GKAP1: variants seen among roughly 807,000 people sequenced by gnomAD.
The protein encoded by GKAP1 is G kinase anchoring protein 1.
GKAP1 carries 31 observed loss-of-function variants against 56.7 expected under a neutral mutation model. The ratio of observed to expected loss-of-function variants is 0.55; its 90% CI spans 0.41 to 0.74. GKAP1 has a LOEUF of 0.74. GKAP1 is among the 30% of genes least tolerant of loss of function. The pLI is 0.00. For synonymous variants in GKAP1, 151 were observed against 138.6 expected (o/e 1.09, Z -0.63); for missense variants, 364 against 402.3 (o/e 0.90, Z 0.82).
At chr9:83,753,978 A>G (rs1292259624) in intron 8 of GKAP1, among the ~76,000 whole-genome samples, 1 of 152,212 alleles carries the variant, frequency 6.6e-6, no homozygotes, top group African/African-American at 2.4e-5. Context: ...GTTCTTTGGA[A>G]CTTAAAAAGA....
chr9:83,757,653 G>A (rs1380534828), intron 8 of GKAP1, among the ~76,000 whole-genome samples: 1 of 152,168 alleles, frequency 6.6e-6, no homozygotes, highest in Non-Finnish European at 1.5e-5. Context: ...AAAGGCATTA[G>A]TTAGCAGGGT....
intron 2 of GKAP1, among the ~76,000 whole-genome samples, chr9:83,806,968 T>A (rs968578793): frequency 1.3e-5 from 2 of 151,920 alleles, no homozygotes; most frequent in Non-Finnish European, 2.9e-5. Flanking sequence ...CAACTTCCAA[T>A]ACAAGAAAAA....
Position 83,769,112 on chromosome 9 carries a change from G to C in GKAP1, c.586-142C>G, listed in dbSNP as rs1587707538. 2.4e-5 allele frequency: 14 copies of C among 595,376 alleles called. No homozygotes were observed. The East Asian group carries it at 3.7e-4, about 16-fold the overall frequency. The allele number at this position is 595,376 out of a possible 1,614,324, so 36.9% of individuals were successfully genotyped here. A position where few individuals can be genotyped will look rare whatever the true frequency, so the allele number is the denominator to read the frequency against. On this transcript the variant is annotated intron_variant, in intron 7 of 12. Transcript: ENST00000376371. Reference sequence around the variant, plus strand: ...GATAAAAAAAGAAAGAAAAATGACAGCTAAGAGACAATCAACGACTTGATC... The same window carrying C: ...GATAAAAAAAGAAAGAAAAATGACACCTAAGAGACAATCAACGACTTGATC...
chr9:83,807,842 G>C (rs1944459626), intron 2 of GKAP1, among the ~76,000 whole-genome samples: 1 of 152,150 alleles, frequency 6.6e-6, no homozygotes, highest in African/African-American at 2.4e-5. Context: ...TAAGAAGTAA[G>C]GATCATTAAG....
chr9:83,751,762 A>T (rs1306629248), intron 9 of GKAP1, among the ~76,000 whole-genome samples: 2 of 139,740 alleles, frequency 1.4e-5, no homozygotes, highest in Non-Finnish European at 3.1e-5. Context: ...AAAATAGATT[A>T]AAAAAAAAAA....
intron 7 of GKAP1, among the ~76,000 whole-genome samples, chr9:83,779,524 CGT>C (rs201221841): frequency 0.017 from 2,073 of 120,350 alleles, 61 homozygotes; most frequent in Non-Finnish European, 0.025. Context: ...TATATATACA[CGT>C]GTATATGTGT....
intron 4 of GKAP1, among the ~76,000 whole-genome samples, chr9:83,790,064 C>T (rs1234149420): frequency 6.6e-6 from 1 of 152,122 alleles, no homozygotes; most frequent in Non-Finnish European, 1.5e-5. Flanking sequence ...TCTTAATAGA[C>T]ACTATGAACT....
At position 83,817,136 on chromosome 9, in the gene GKAP1, G is replaced by A. The variant is rs1944623511; in HGVS notation, c.-175-9C>T. On this transcript the variant is annotated splice_polypyrimidine_tract_variant and intron_variant, in intron 1 of 12. Transcript: ENST00000376371. ...AGAAGCGGCTTCAAAACCTGAAAGG[G>A]AGAAAACGAGTCAGGTCGTTGCTCC... 6.6e-6 allele frequency: 1 copy of A among 152,158 alleles called. No individual in the cohort carries two copies. Among genetic ancestry groups the A allele is most frequent in the South Asian group, 2.1e-4 (1 of 4,834 alleles). 9.4% of individuals were successfully genotyped at this position (152,158 alleles called of 1,614,324 possible).
intron 3 of GKAP1, among the ~76,000 whole-genome samples, chr9:83,802,256 G>A (rs570306777): frequency 7.2e-5 from 11 of 151,896 alleles, no homozygotes; most frequent in Admixed American, 2.6e-4. Context: ...CGAGGCAGGC[G>A]GATCACGAGG....
At chr9:83,779,471 A>ACACACACACG (rs1564201465) in intron 7 of GKAP1, among the ~76,000 whole-genome samples, 13 of 93,068 alleles carry the variant, frequency 1.4e-4, no homozygotes, top group Non-Finnish European at 1.9e-4. Context: ...ACACGCACAT[A>ACACACACACG]TACATATACA....
At chr9:83,750,000 T>A (rs1013767111) in intron 9 of GKAP1, among the ~76,000 whole-genome samples, 2 of 152,142 alleles carry the variant, frequency 1.3e-5, no homozygotes, top group African/African-American at 2.4e-5. Flanking sequence ...GAAACTACAC[T>A]CGCTATGAAA....
At chr9:83,799,497 G>T (rs1944298192) in intron 3 of GKAP1, among the ~76,000 whole-genome samples, 169 bp from the exon 4 acceptor site, 2 of 151,948 alleles carry the variant, frequency 1.3e-5, no homozygotes, top group Admixed American at 1.3e-4. Flanking sequence ...AATCTTTGTA[G>T]AATGTTAATT....
At chr9:83,781,773 A>C (rs1943975922) in intron 6 of GKAP1, among the ~76,000 whole-genome samples, 1 of 152,144 alleles carries the variant, frequency 6.6e-6, no homozygotes, top group Non-Finnish European at 1.5e-5. Context: ...TAAGAAATCA[A>C]ATGTGGAAAA....
At chr9:83,750,722 CTTT>C (rs1362690540) in intron 9 of GKAP1, among the ~76,000 whole-genome samples, 10 of 152,310 alleles carry the variant, frequency 6.6e-5, no homozygotes, top group African/African-American at 2.2e-4. Context: ...AAGTATTCTT[CTTT>C]GACTAATATT....
intron 3 of GKAP1, among the ~76,000 whole-genome samples, chr9:83,803,782 GGCC>G (rs1478631808): frequency 3.3e-4 from 50 of 149,876 alleles, no homozygotes; most frequent in Admixed American, 9.3e-4. Flanking sequence ...GTCTCTGCCC[GGCC>G]GCCATCCCAT....
At chr9:83,794,125 C>A (rs1286164295) in intron 4 of GKAP1, among the ~76,000 whole-genome samples, 1 of 152,146 alleles carries the variant, frequency 6.6e-6, no homozygotes, top group Non-Finnish European at 1.5e-5. Context: ...CATGATCACA[C>A]CACTGCATTC....
chr9:83,758,249 A>C (rs997360740), intron 8 of GKAP1, among the ~76,000 whole-genome samples: 2 of 152,252 alleles, frequency 1.3e-5, no homozygotes, highest in East Asian at 3.8e-4. Context: ...ATGTATGATC[A>C]GTGAATATCA....
At chr9:83,771,235 TTG>T (rs1252264063) in intron 7 of GKAP1, among the ~76,000 whole-genome samples, 3 of 114,964 alleles carry the variant, frequency 2.6e-5, no homozygotes, top group Non-Finnish European at 5.8e-5. Context: ...GCTAATTTTT[TTG>T]TTGTTTGTTT....
chr9:83,814,135 T>C (rs975736604), intron 2 of GKAP1, among the ~76,000 whole-genome samples: 2 of 152,084 alleles, frequency 1.3e-5, no homozygotes, highest in African/African-American at 2.4e-5. Context: ...GGCAGCAATG[T>C]CAAAAATATA....
Sources: gnomAD v4.1 joint callset for allele counts (sites outside exome capture counted in the v4.1 genomes callset) on GRCh38, gnomAD v4.1.1 for gene constraint, MANE v1.5 for transcripts, NCBI Gene and HGNC (gene_info 2026-07-23, HGNC 2026-07-21) for gene names.